BIVM: variants seen among roughly 807,000 people sequenced by gnomAD.
BIVM encodes basic, immunoglobulin-like variable motif containing.
In BIVM, 31 loss-of-function variants were observed where a neutral mutation model predicts 61.4. That is an observed-to-expected ratio of 0.51 (90% CI 0.38 to 0.68). The LOEUF (loss-of-function observed/expected upper bound fraction) is 0.68, where lower values mean the gene tolerates loss of function less well. Among genes scored for constraint, BIVM ranks in the 30% least tolerant of loss-of-function variants. The pLI is 0.00. For synonymous variants in BIVM, 189 were observed against 210.7 expected, an observed-to-expected ratio of 0.90 and a Z score of 0.89; for missense variants, 526 against 596.0, an observed-to-expected ratio of 0.88 and a Z score of 1.22.
In BIVM at chr13:102,840,456, A is replaced by T. The variant is rs1881742918; in HGVS notation, c.*591A>T. On this transcript the variant is annotated 3_prime_UTR_variant, in exon 11 of 11. Transcript: ENST00000257336. ...CTGACTAAGAGGCAAAAGAGAAAAG[A>T]CTCAAGAAACTGATCCTGGAGATCG... is the stretch of plus-strand genomic sequence containing the variant. 1 of 152,236 alleles carries T rather than the reference A, an allele frequency of 6.6e-6. No individual in the cohort carries two copies. Among genetic ancestry groups the T allele is most frequent in the Non-Finnish European group, 1.5e-5 (1 of 68,122 alleles). 9.4% of individuals were successfully genotyped at this position (152,236 alleles called of 1,614,324 possible).
intron 10 of BIVM, among the ~76,000 whole-genome samples, chr13:102,838,993 T>TG (rs1172919868): frequency 2.0e-5 from 3 of 152,236 alleles, no homozygotes; most frequent in African/African-American, 7.2e-5. Context: ...TTCACTCTTT[T>TG]GGGGGCTATA....
Position 102,818,501 on chromosome 13 carries a change from C to A in BIVM, c.605+1947C>A, listed in dbSNP as rs945956505. Among the ~76,000 whole-genome samples the A allele has an allele frequency of 2.6e-5, 4 of 152,124 alleles. No individual in the cohort carries two copies. In the South Asian group the frequency reaches 8.3e-4, roughly 32 times the overall value. On this transcript the variant is annotated intron_variant, in intron 4 of 10. Transcript: ENST00000257336. The stretch of plus-strand genomic sequence containing the variant: ...AAGTCACAAACATTCATTTTAGTTT[C>A]TTTGAAAAGAAGGTTTTGCTCGTTT...
In BIVM at chr13:102,821,115, C is replaced by T. The variant is rs751063939; in HGVS notation, c.684C>T (p.Ser228=). ...SLISCWNFLY[S]TMGAGNLPPI... is the part of the protein sequence containing the mutation. ...TTTCTTGTTGGAATTTCTTATACAGCACAATGGGAGCTGGAAAGTAAGTAT... is the reference window on the plus strand; with the variant it reads ...TTTCTTGTTGGAATTTCTTATACAGTACAATGGGAGCTGGAAAGTAAGTAT... The change falls in exon 5 of 11, where the codon AGC becomes AGT. Residue 228 remains serine (S), a synonymous_variant. Coordinates refer to ENST00000257336, the MANE Select transcript of BIVM (RefSeq NM_017693.4). 6.2e-7 allele frequency: 1 copy of T among 1,612,514 alleles called. No individual in the cohort carries two copies. The highest frequency in any genetic ancestry group is 1.1e-5 in the South Asian group (1 of 90,624).
At chr13:102,839,453 G>T (rs997742727) in intron 10 of BIVM, 119 bp from the exon 11 acceptor site, 2 of 1,340,572 alleles carry the variant, frequency 1.5e-6, no homozygotes, top group Non-Finnish European at 2.0e-6. Context: ...TGCCTGGAAG[G>T]AAAGTACCAT....
At chr13:102,813,211 G>A (rs1456394175) in intron 3 of BIVM, among the ~76,000 whole-genome samples, 1 of 152,168 alleles carries the variant, frequency 6.6e-6, no homozygotes, top group Non-Finnish European at 1.5e-5. Context: ...TTTTAAAAAT[G>A]TAATTTGAAG....
At position 102,807,852 on chromosome 13, in the gene BIVM, A is replaced by G; in HGVS notation, c.478+107A>G. On this transcript the variant is annotated intron_variant, in intron 3 of 10. Coordinates refer to ENST00000257336, the MANE Select transcript of BIVM (RefSeq NM_017693.4). The surrounding 1 kb of genome is among the most constrained non-coding windows in gnomAD (Gnocchi z 4.0). ...TAGTTTCCTTGTATAATACTAGATAAGGAACATGGCTATCATCTTGTCTGT... is the reference window on the plus strand; with the variant it reads ...TAGTTTCCTTGTATAATACTAGATAGGGAACATGGCTATCATCTTGTCTGT... 2.5e-6 allele frequency: 3 copies of G among 1,200,476 alleles called. No homozygotes were observed. Among genetic ancestry groups the G allele is most frequent in the South Asian group, 1.6e-5 (1 of 62,776 alleles). The allele number at this position is 1,200,476 out of a possible 1,614,324, so 74.4% of individuals were successfully genotyped here.
intron 2 of BIVM, among the ~76,000 whole-genome samples, chr13:102,806,781 A>G (rs9585996): frequency 0.23 from 34,897 of 151,622 alleles, 4,553 homozygotes; most frequent in East Asian, 0.37. Flanking sequence ...GTGGTGGCGC[A>G]TGCCTGTAAT....
chr13:102,815,199 GT>G (rs905950685), intron 3 of BIVM, among the ~76,000 whole-genome samples: 1 of 152,034 alleles, frequency 6.6e-6, no homozygotes, highest in African/African-American at 2.4e-5. Flanking sequence ...GTGTCAAATG[GT>G]TTCTCTGTAT....
intron 1 of BIVM, among the ~76,000 whole-genome samples, chr13:102,803,794 A>G (rs1017206431): frequency 1.3e-5 from 2 of 152,112 alleles, no homozygotes; most frequent in African/African-American, 2.4e-5. Context: ...ACTGATGTAG[A>G]GAAAGGCATG....
chr13:102,826,305 A>G (rs1880666766), intron 7 of BIVM, among the ~76,000 whole-genome samples: 1 of 152,076 alleles, frequency 6.6e-6, no homozygotes, highest in Admixed American at 6.5e-5. Context: ...CCTGCTTTCC[A>G]TCAGAACCCA....
At chr13:102,811,414 G>T (rs1257128017) in intron 3 of BIVM, among the ~76,000 whole-genome samples, 2 of 152,124 alleles carry the variant, frequency 1.3e-5, no homozygotes, top group African/African-American at 4.8e-5. Context: ...CTTCCTTCTG[G>T]CTTCCAAAGT....
At chr13:102,804,882 C>T (rs1878964662) in intron 1 of BIVM, among the ~76,000 whole-genome samples, 1 of 152,212 alleles carries the variant, frequency 6.6e-6, no homozygotes, top group African/African-American at 2.4e-5. Flanking sequence ...GAAAGCCATG[C>T]AGTACCTTTG....
intron 1 of BIVM, among the ~76,000 whole-genome samples, chr13:102,803,000 C>A (rs1482395385): frequency 6.6e-6 from 1 of 151,940 alleles, no homozygotes; most frequent in Non-Finnish European, 1.5e-5. Flanking sequence ...TAAATGCAGT[C>A]ATTTCCCTTT....
chr13:102,822,159 G>A lies in BIVM; in HGVS notation c.901G>A (p.Ala301Thr), dbSNP rs1351444022. The A allele has an allele frequency of 6.2e-7, 1 of 1,613,040 alleles. No homozygotes were observed. Among genetic ancestry groups the A allele is most frequent in the Admixed American group, 1.7e-5 (1 of 59,954 alleles). Reference sequence around the variant, plus strand: ...GAAGAATAAAACAGCAGGAGAAACTGGTAGGTAAACATATAGAAGATTTAC... The same window carrying A: ...GAAGAATAAAACAGCAGGAGAAACTAGTAGGTAAACATATAGAAGATTTAC... The part of the protein sequence containing the change: ...HGKNKTAGET[A>T]SGALSKLTRG... Residue 301 changes from alanine to threonine, a missense_variant and splice_region_variant, in exon 7 of 11, where the codon GCT becomes ACT. By Grantham distance (58) the Ala-to-Thr change is moderately conservative. Transcript: ENST00000257336.
Position 102,822,162 on chromosome 13 carries a change from A to G in BIVM, c.901+3A>G. 1.9e-6 allele frequency: 3 copies of G among 1,612,910 alleles called. No individual in the cohort carries two copies. Among genetic ancestry groups the G allele is most frequent in the Non-Finnish European group, 2.5e-6 (3 of 1,179,370 alleles). On this transcript the variant is annotated splice_donor_region_variant and intron_variant, in intron 7 of 10. Coordinates refer to ENST00000257336, the MANE Select transcript of BIVM (RefSeq NM_017693.4). ...GAATAAAACAGCAGGAGAAACTGGTAGGTAAACATATAGAAGATTTACATA... is the reference window on the plus strand; with the variant it reads ...GAATAAAACAGCAGGAGAAACTGGTGGGTAAACATATAGAAGATTTACATA...
chr13:102,801,325 C>T (rs1012780827), intron 1 of BIVM, among the ~76,000 whole-genome samples: 1 of 151,756 alleles, frequency 6.6e-6, no homozygotes, highest in Non-Finnish European at 1.5e-5. Flanking sequence ...GTAACCTCCA[C>T]CTCTGGTGTT....
At chr13:102,832,822 A>C (rs1219509584) in intron 8 of BIVM, among the ~76,000 whole-genome samples, 2 of 152,162 alleles carry the variant, frequency 1.3e-5, no homozygotes, top group Admixed American at 6.5e-5. Flanking sequence ...ATATAACTTT[A>C]CTGGTAAACT....
chr13:102,809,975 C>G (rs111404379), intron 3 of BIVM, among the ~76,000 whole-genome samples: 7,860 of 152,008 alleles, frequency 0.052, 231 homozygotes, highest in East Asian at 0.1. Context: ...TTAGTAGGGT[C>G]GGGGTTTCAC....
chr13:102,802,920 A>G (rs1300638680), intron 1 of BIVM, among the ~76,000 whole-genome samples: 1 of 151,310 alleles, frequency 6.6e-6, no homozygotes, highest in East Asian at 1.9e-4. Flanking sequence ...TCACACTGTT[A>G]CTCTTTTTAT....
Sources: gnomAD v4.1 joint callset for allele counts (sites outside exome capture counted in the v4.1 genomes callset) on GRCh38, gnomAD v4.1.1 for gene constraint, Gnocchi (gnomAD v3.1) non-coding constraint, MANE v1.5 for transcripts, NCBI Gene and HGNC (gene_info 2026-07-23, HGNC 2026-07-21) for gene names.